The following PITHD1 variants were observed in gnomAD, a reference collection of about 807,000 sequenced individuals.
PITHD1 encodes PITH domain containing 1.
PITHD1 carries 8 observed loss-of-function variants against 27.5 expected under a neutral mutation model. The observed-to-expected ratio is 0.29, with a 90% confidence interval of 0.17 to 0.52. The LOEUF is 0.52. Ranked by LOEUF, PITHD1 falls within the 20% of genes least tolerant of loss-of-function variation. The probability of loss-of-function intolerance (pLI) is 0.96; values close to 1 mark genes in which losing one functional copy is unlikely to be tolerated. For synonymous variants in PITHD1, 118 were observed against 106.8 expected (o/e 1.10, Z -0.64); for missense variants, 233 against 283.9 (o/e 0.82, Z 1.29).
intron 5 of PITHD1, 33 bp from the exon 6 acceptor site, chr1:23,787,242 T>C: frequency 6.7e-7 from 1 of 1,483,870 alleles, no homozygotes. Flanking sequence ...GTTCTTTTAA[T>C]GGCTGGCTGA....
intron 3 of PITHD1, among the ~76,000 whole-genome samples, chr1:23,782,264 C>G (rs1425029816): frequency 3.9e-5 from 6 of 151,956 alleles, no homozygotes; most frequent in Admixed American, 3.9e-4. Flanking sequence ...ACTAAAAACA[C>G]AAGAATTAGC....
chr1:23,783,329 A>C (rs190117210), intron 3 of PITHD1, among the ~76,000 whole-genome samples: 2 of 149,814 alleles, frequency 1.3e-5, no homozygotes, highest in East Asian at 3.9e-4. Context: ...ATATATATAC[A>C]CATATATGTG....
Position 23,786,415 on chromosome 1 carries a change from T to A in PITHD1, c.526T>A (p.Trp176Arg). 2.6e-6 allele frequency: 4 copies of A among 1,556,122 alleles called. No homozygotes were observed. Among genetic ancestry groups the A allele is most frequent in the Non-Finnish European group, 3.5e-6 (4 of 1,130,574 alleles). ...CTTTTATATTGGCCTGAGAGGAGAG[T>A]GGACTGAGGTAAGATGGGGTTGGAA... ...KVFYIGLRGE[W>R]TELRRHEVTI... The change falls in exon 5 of 6, where the codon TGG becomes AGG. Residue 176 changes from tryptophan to arginine, a missense_variant. Trp to Arg is a moderately radical substitution (Grantham distance 101, BLOSUM62 -3). Coordinates refer to ENST00000246151, the MANE Select transcript of PITHD1 (RefSeq NM_020362.5).
chr1:23,780,486 A>G (rs1638580283), intron 3 of PITHD1, among the ~76,000 whole-genome samples: 1 of 152,216 alleles, frequency 6.6e-6, no homozygotes, highest in South Asian at 2.1e-4. Context: ...TCCTAAAAGA[A>G]GGGGAAAACT....
At chr1:23,778,992 C>T (rs1638554400) in intron 1 of PITHD1, among the ~76,000 whole-genome samples, 4 of 152,108 alleles carry the variant, frequency 2.6e-5, no homozygotes, top group Admixed American at 6.6e-5. Flanking sequence ...GTCGTGAGGG[C>T]CGTTGGACCA....
Position 23,780,371 on chromosome 1 carries a change from C to T in PITHD1, c.320+430C>T, listed in dbSNP as rs552153106. ...CATGGAATTGCTCCACCTGACTTTG[C>T]GTGGCATTTAGTTAGCAAAGTTGTG... On this transcript the variant is annotated intron_variant, in intron 3 of 5. Coordinates refer to ENST00000246151, the MANE Select transcript of PITHD1 (RefSeq NM_020362.5). 5.9e-5 allele frequency among the ~76,000 whole-genome samples: 9 copies of T among 152,256 alleles called. No individual in the cohort carries two copies. The South Asian group carries it at 8.3e-4, about 14-fold the overall frequency.
intron 3 of PITHD1, among the ~76,000 whole-genome samples, chr1:23,781,061 G>A (rs1181690179): frequency 6.6e-5 from 10 of 151,908 alleles, no homozygotes; most frequent in Admixed American, 2.0e-4. Context: ...GGTGGCACAC[G>A]CCTGTAATCC....
At chr1:23,779,282 G>C in intron 1 of PITHD1, 156 bp from the exon 2 acceptor site, 1 of 648,594 alleles carries the variant, frequency 1.5e-6, no homozygotes, top group Non-Finnish European at 2.8e-6. Flanking sequence ...CACTGGATAA[G>C]ACTGGTTAGC....
chr1:23,781,327 G>T (rs1339431488), intron 3 of PITHD1, among the ~76,000 whole-genome samples: 2 of 152,156 alleles, frequency 1.3e-5, no homozygotes, highest in Admixed American at 6.6e-5. Context: ...GCTGGGTGCG[G>T]TGGCACAGGC....
Position 23,779,434 on chromosome 1 carries a change from C to G in PITHD1, c.199-4C>G, listed in dbSNP as rs1161478456. On this transcript the variant is annotated splice_region_variant and splice_polypyrimidine_tract_variant and intron_variant, in intron 1 of 5. Transcript: ENST00000246151. ...TTCTCCTCCCCCCTCCCCATCCCCT[C>G]CAGTTTGTTGAAAGTGATGCAGATG... 12 of 1,611,120 alleles carry G rather than the reference C, an allele frequency of 7.4e-6. No homozygotes were observed. The highest frequency in any genetic ancestry group is 1.3e-5 in the African/African-American group (1 of 74,852).
At chr1:23,782,275 C>T (rs1171020798) in intron 3 of PITHD1, among the ~76,000 whole-genome samples, 1 of 151,992 alleles carries the variant, frequency 6.6e-6, no homozygotes, top group Non-Finnish European at 1.5e-5. Flanking sequence ...AAGAATTAGC[C>T]AGTCATGGTG....
chr1:23,786,007 T>A (rs965027214), intron 4 of PITHD1, among the ~76,000 whole-genome samples: 8 of 152,254 alleles, frequency 5.3e-5, no homozygotes. Context: ...TTAGGAAAGA[T>A]GTGTCTCCCA....
intron 5 of PITHD1, among the ~76,000 whole-genome samples, chr1:23,787,059 C>T (rs962913459): frequency 6.6e-6 from 1 of 152,114 alleles, no homozygotes; most frequent in Admixed American, 6.5e-5. Context: ...TTCAAAGTTA[C>T]AGGGTGAATC....
chr1:23,779,897 T>A lies in PITHD1; in HGVS notation c.276T>A (p.Ile92=), dbSNP rs756624474. The change falls in exon 3 of 6, where the codon ATT becomes ATA. Residue 92 remains isoleucine (I), a synonymous_variant. Coordinates refer to ENST00000246151, the MANE Select transcript of PITHD1 (RefSeq NM_020362.5). ...GCAATGTCAAGCTCAAAGGCATCAT[T>A]ATAATGGGAGAGGATGATGACTCAC... ...FTGNVKLKGI[I]IMGEDDDSHP... The A allele has an allele frequency of 4.3e-6, 7 of 1,613,632 alleles. No homozygotes were observed. The highest frequency in any genetic ancestry group is 5.9e-6 in the Non-Finnish European group (7 of 1,179,718).
intron 1 of PITHD1, 65 bp downstream of exon 1, chr1:23,778,778 A>G (rs993397308): frequency 1.6e-5 from 15 of 959,048 alleles, no homozygotes; most frequent in South Asian, 8.9e-5. Context: ...CCGTCGGTCT[A>G]CTCATTTCTG....
Position 23,787,642 on chromosome 1 carries a change from A to T in PITHD1, c.*266A>T, listed in dbSNP as rs1008313247. On this transcript the variant is annotated 3_prime_UTR_variant, in exon 6 of 6. Coordinates refer to ENST00000246151, the MANE Select transcript of PITHD1 (RefSeq NM_020362.5). ...GGGTGGCATCTGGCAGTCATGGGTAACACTTGCTTTTCCAGTTAATGTGGC... is the reference window on the plus strand; with the variant it reads ...GGGTGGCATCTGGCAGTCATGGGTATCACTTGCTTTTCCAGTTAATGTGGC... 1 of 255,140 alleles carries T rather than the reference A, an allele frequency of 3.9e-6. No individual in the cohort carries two copies. Among genetic ancestry groups the T allele is most frequent in the Non-Finnish European group, 7.4e-6 (1 of 134,338 alleles). 15.8% of individuals were successfully genotyped at this position (255,140 alleles called of 1,614,324 possible). A position where few individuals can be genotyped will look rare whatever the true frequency, so the allele number is the denominator to read the frequency against.
rs1296340788 is a variant in PITHD1 at position 23,779,552 on chromosome 1, C to T, written c.242+71C>T. The T allele has an allele frequency of 4.3e-6, 5 of 1,157,408 alleles. No individual in the cohort carries two copies. In the Admixed American group the frequency reaches 6.9e-5, roughly 16 times the overall value. The allele number at this position is 1,157,408 out of a possible 1,614,324, so 71.7% of individuals were successfully genotyped here. A position where few individuals can be genotyped will look rare whatever the true frequency, so the allele number is the denominator to read the frequency against. ...CAGTTGCCTCAGATGGATTCATTCA[C>T]TGGTGTCAAGAGCACACATTTGCTT... is the stretch of plus-strand genomic sequence containing the variant. On this transcript the variant is annotated intron_variant, in intron 2 of 5. Coordinates refer to ENST00000246151, the MANE Select transcript of PITHD1 (RefSeq NM_020362.5).
chr1:23,781,218 T>C (rs569624337), intron 3 of PITHD1, among the ~76,000 whole-genome samples: 9 of 152,038 alleles, frequency 5.9e-5, no homozygotes, highest in African/African-American at 2.2e-4. Context: ...ATCCCAGCAC[T>C]TTGGGAGGCC....
At chr1:23,783,257 G>A (rs1026637840) in intron 3 of PITHD1, among the ~76,000 whole-genome samples, 2 of 150,232 alleles carry the variant, frequency 1.3e-5, no homozygotes, top group African/African-American at 4.9e-5. Context: ...TCAGCCTCCC[G>A]AAGTGCTGGG....
Sources: gnomAD v4.1 joint callset for allele counts (sites outside exome capture counted in the v4.1 genomes callset) on GRCh38, gnomAD v4.1.1 for gene constraint, MANE v1.5 for transcripts, NCBI Gene and HGNC (gene_info 2026-07-23, HGNC 2026-07-21) for gene names.